NDUFAF6: variants seen among roughly 807,000 people sequenced by gnomAD.
The protein encoded by NDUFAF6 is NADH dehydrogenase (ubiquinone) complex I, assembly factor 6.
Under a neutral mutation model 40.8 loss-of-function variants are expected in NDUFAF6, and 45 were observed. That is an observed-to-expected ratio of 1.10 (90% confidence interval 0.87 to 1.42). The LOEUF is 1.42. Ranked by LOEUF, NDUFAF6 falls within the 40% of genes most tolerant of loss-of-function variation. The pLI is 0.00. For synonymous variants in NDUFAF6, 185 were observed against 155.9 expected, an observed-to-expected ratio of 1.19 and a Z score of -1.39; for missense variants, 435 against 418.5, an observed-to-expected ratio of 1.04 and a Z score of -0.34.
chr8:94,921,384 A>G (rs1361381047), intron 1 of NDUFAF6, among the ~76,000 whole-genome samples: 4 of 152,130 alleles, frequency 2.6e-5, no homozygotes, highest in African/African-American at 4.8e-5. Context: ...TCCTTGAGCT[A>G]TCCTTGGCCA....
At chr8:94,992,987 G>A (rs1319058477) in intron 2 of NDUFAF6, among the ~76,000 whole-genome samples, 2 of 152,168 alleles carry the variant, frequency 1.3e-5, no homozygotes, top group Non-Finnish European at 2.9e-5. Context: ...TGCTAAGGTG[G>A]CTGTGACAAA....
chr8:95,010,416 C>T (rs1827179212), intron 2 of NDUFAF6, among the ~76,000 whole-genome samples: 1 of 152,168 alleles, frequency 6.6e-6, no homozygotes, highest in African/African-American at 2.4e-5. Context: ...GCTCTATGGA[C>T]ATATGCTGTT....
At chr8:94,925,139 A>G (rs1168092730) in intron 1 of NDUFAF6, among the ~76,000 whole-genome samples, 3 of 152,178 alleles carry the variant, frequency 2.0e-5, no homozygotes, top group African/African-American at 7.2e-5. Context: ...CTGGCACCCA[A>G]TCTTTTCATC....
chr8:95,082,536 A>G, intron 2 of NDUFAF6, among the ~76,000 whole-genome samples: 1 of 111,462 alleles, frequency 9.0e-6, no homozygotes, highest in Non-Finnish European at 1.6e-5. Context: ...TTATGAAAAT[A>G]GTTTGGATTT....
intron 1 of NDUFAF6, chr8:94,939,836 G>C: frequency 6.3e-7 from 1 of 1,596,456 alleles, no homozygotes; most frequent in Non-Finnish European, 8.5e-7. Flanking sequence ...ACTGCCTACA[G>C]AGAGTTAAAT....
intron 3 of NDUFAF6, 25 bp downstream of exon 3, chr8:95,035,601 T>C: frequency 6.3e-7 from 1 of 1,588,802 alleles, no homozygotes; most frequent in Non-Finnish European, 8.6e-7. Flanking sequence ...ATACCACTTT[T>C]AATTTGTATG....
intron 2 of NDUFAF6, among the ~76,000 whole-genome samples, chr8:95,013,990 G>GC (rs1827334901): frequency 6.6e-6 from 1 of 152,204 alleles, no homozygotes; most frequent in African/African-American, 2.4e-5. Context: ...AGAGATCAGG[G>GC]CAATGCTTCT....
At chr8:94,914,209 T>A (rs1485372199) in intron 1 of NDUFAF6, among the ~76,000 whole-genome samples, 1 of 151,972 alleles carries the variant, frequency 6.6e-6, no homozygotes, top group Admixed American at 6.6e-5. Context: ...TTTTATAGTT[T>A]TAGTGGATAA....
At chr8:94,903,628 G>C (rs902159179) in intron 1 of NDUFAF6, among the ~76,000 whole-genome samples, 8 of 152,178 alleles carry the variant, frequency 5.3e-5, no homozygotes, top group African/African-American at 1.4e-4. Context: ...TCTTGGGTTC[G>C]GGGGGAGTTT....
At chr8:94,949,951 C>T (rs1334234378) in intron 2 of NDUFAF6, 6 of 152,410 alleles carry the variant, frequency 3.9e-5, no homozygotes, top group African/African-American at 1.4e-4. Flanking sequence ...AGAGGCCGCT[C>T]AATCACGGAG....
rs1821481087 is a variant in NDUFAF6 at position 94,941,060 on chromosome 8, A to C, written c.-935-4423A>C. ...TTAAAGTGCACAGGGTGCTTATTCA[A>C]CTTAGGTGAAAAGCAAGAAGAGTCA... On this transcript the variant is annotated intron_variant, in intron 1 of 14. Transcript: ENST00000396113. The C allele has an allele frequency of 5.8e-6, 4 of 686,696 alleles. No homozygotes were observed. In the South Asian group the frequency reaches 7.3e-5, roughly 13 times the overall value. The allele number at this position is 686,696 out of a possible 1,614,324, so 42.5% of individuals were successfully genotyped here.
Position 95,071,403 on chromosome 8 carries a change from G to GAAA in NDUFAF6, c.*512-4212_*512-4210dup, listed in dbSNP as rs10583999. On this transcript the variant is annotated intron_variant and NMD_transcript_variant, in intron 9 of 9. Coordinates refer to the NDUFAF6 transcript ENST00000520757. ...ATAGAGCGAGACTCCGTCTCCAAAAGAAAAAAAAAAAAAAAAAAAAGCATA... is the reference window on the plus strand; with the variant it reads ...ATAGAGCGAGACTCCGTCTCCAAAAGAAAAAAAAAAAAAAAAAAAAAAAGCATA... Among the ~76,000 whole-genome samples the GAAA allele has an allele frequency of 7.6e-5, 8 of 105,488 alleles. 1 individual carries two copies. Among genetic ancestry groups the GAAA allele is most frequent in the African/African-American group, 1.1e-4 (3 of 27,156 alleles). 69.2% of individuals were successfully genotyped at this position (105,488 alleles called of 152,430 possible). A position where few individuals can be genotyped will look rare whatever the true frequency, so the allele number is the denominator to read the frequency against.
At chr8:95,118,117 T>C (rs1392295908), downstream of NDUFAF6, among the ~76,000 whole-genome samples, 1 of 152,204 alleles carries the variant, frequency 6.6e-6, no homozygotes, top group African/African-American at 2.4e-5. Context: ...CTGTAATTAA[T>C]GCTGGCTATT....
chr8:94,956,498 AC>A (rs1823085863), upstream of NDUFAF6, among the ~76,000 whole-genome samples: 12 of 152,092 alleles, frequency 7.9e-5, no homozygotes, highest in Admixed American at 7.9e-4. Flanking sequence ...GGAGAAGGAG[AC>A]CAGATCAGAG....
intron 8 of NDUFAF6, among the ~76,000 whole-genome samples, chr8:95,054,900 A>C: frequency 6.6e-6 from 1 of 152,260 alleles, no homozygotes. Flanking sequence ...AAGGATTTGC[A>C]GTTTAAAAAC....
At chr8:94,922,936 C>A (rs12548874) in intron 1 of NDUFAF6, among the ~76,000 whole-genome samples, 61,744 of 152,112 alleles carry the variant, frequency 0.41, 13,808 homozygotes, top group East Asian at 0.65. Context: ...GCTCGTACCC[C>A]CTCCATGTCT....
Position 95,000,691 on chromosome 8 carries a change from T to C in NDUFAF6, c.-84+19718T>C, listed in dbSNP as rs149281920. 2.3e-3 allele frequency among the ~76,000 whole-genome samples: 341 copies of C among 150,166 alleles called. 2 individuals carry two copies. Among genetic ancestry groups the C allele is most frequent in the African/African-American group, 8.1e-3 (332 of 40,882 alleles). The stretch of plus-strand genomic sequence containing the variant: ...TGGCTTACACTTGTAATCCCAGCAC[T>C]TTGAGAGGCTGAGGCGGTCAGACTG... On this transcript the variant is annotated intron_variant, in intron 2 of 9. Transcript: ENST00000396111.
Position 95,048,995 on chromosome 8 carries a change from GC to G in NDUFAF6, c.816+439del, listed in dbSNP as rs527570825. ...CTGCTGCCTTCTGAATTTACAGGCA[GC>G]CTGTGGATCCTTCTGTTGGTATTTT... On this transcript the variant is annotated intron_variant, in intron 7 of 8. Coordinates refer to ENST00000396124, the MANE Select transcript of NDUFAF6 (RefSeq NM_152416.4). 3.0e-3 allele frequency among the ~76,000 whole-genome samples: 453 copies of G among 152,266 alleles called. 1 individual carries two copies. Among genetic ancestry groups the G allele is most frequent in the African/African-American group, 9.8e-3 (409 of 41,538 alleles).
chr8:94,910,955 A>G (rs547210036), intron 1 of NDUFAF6, among the ~76,000 whole-genome samples: 5 of 152,358 alleles, frequency 3.3e-5, no homozygotes, highest in African/African-American at 1.2e-4. Context: ...GCTGTGATAC[A>G]TTCGTAAGTG....
Sources: gnomAD v4.1 joint callset for allele counts (sites outside exome capture counted in the v4.1 genomes callset) on GRCh38, gnomAD v4.1.1 for gene constraint, MANE v1.5 for transcripts, NCBI Gene and HGNC (gene_info 2026-07-23, HGNC 2026-07-21) for gene names.